TTC7B: variants seen among roughly 807,000 people sequenced by gnomAD.
TTC7B encodes tetratricopeptide repeat protein 7B.
TTC7B carries 28 observed loss-of-function variants against 106.8 expected under a neutral mutation model. The observed-to-expected ratio is 0.26, with a 90% CI of 0.19 to 0.36. The LOEUF (loss-of-function observed/expected upper bound fraction) is 0.36, where lower values mean the gene tolerates loss of function less well. Among genes scored for constraint, TTC7B ranks in the 10% least tolerant of loss-of-function variants. The probability of loss-of-function intolerance (pLI) is 1.00; values close to 1 mark genes in which losing one functional copy is unlikely to be tolerated. For missense variants in TTC7B, 862 were observed against 1,076.4 expected (o/e 0.80, Z 2.79); for synonymous variants, 405 against 430.6 (o/e 0.94, Z 0.74).
Position 90,689,608 on chromosome 14 carries a change from A to G in TTC7B, c.882T>C (p.Pro294=). The G allele has an allele frequency of 1.9e-6, 3 of 1,614,076 alleles. No individual in the cohort carries two copies. Among genetic ancestry groups the G allele is most frequent in the Non-Finnish European group, 2.5e-6 (3 of 1,179,994 alleles). ...TTTTTGTGTTTGCTCCTTTGCGGAG[A>G]GGATCGTCCAGAGGTGACTGGCACG... ...DPPCQSPLDD[P]LRKGANTKTY... is the part of the protein sequence containing the mutation. Residue 294 remains proline, a synonymous_variant, in exon 7 of 20, where the codon CCT becomes CCC. Transcript: ENST00000328459.
intron 1 of TTC7B, among the ~76,000 whole-genome samples, chr14:90,803,778 C>T (rs977754913): frequency 4.6e-5 from 7 of 151,248 alleles, no homozygotes; most frequent in African/African-American, 1.5e-4. Flanking sequence ...ACAATCCTTC[C>T]GCTACACTGG....
chr14:90,763,088 C>T (rs1041347553), intron 3 of TTC7B, among the ~76,000 whole-genome samples: 2 of 152,174 alleles, frequency 1.3e-5, no homozygotes, highest in Non-Finnish European at 2.9e-5. Flanking sequence ...AAAGGCATCA[C>T]AAGAATACCA....
chr14:90,579,080 C>A (rs573967880), intron 18 of TTC7B, among the ~76,000 whole-genome samples: 3 of 152,360 alleles, frequency 2.0e-5, no homozygotes, highest in African/African-American at 7.2e-5. Flanking sequence ...GGCCTCCCTG[C>A]CTCCCAGGTG....
In TTC7B at chr14:90,534,845, G is replaced by C. The variant is rs1480924635; in HGVS notation, c.*6523C>G. ...GCCCAGCACGGACAGGGCAGACGTGGAGAACTCCAAGGATGATGGGGAGGG... is the reference window on the plus strand; with the variant it reads ...GCCCAGCACGGACAGGGCAGACGTGCAGAACTCCAAGGATGATGGGGAGGG... On this transcript the variant is annotated 3_prime_UTR_variant, in exon 20 of 20. Transcript: ENST00000328459. The C allele has an allele frequency of 6.6e-6, 1 of 152,416 alleles. No individual in the cohort carries two copies. The highest frequency in any genetic ancestry group is 2.4e-5 in the African/African-American group (1 of 41,432). 9.4% of individuals were successfully genotyped at this position (152,416 alleles called of 1,614,324 possible). A position where few individuals can be genotyped will look rare whatever the true frequency, so the allele number is the denominator to read the frequency against.
rs575066044 is a variant in TTC7B at position 90,550,735 on chromosome 14, C to T, written c.2311-9146G>A. On this transcript the variant is annotated intron_variant, in intron 19 of 19. Coordinates refer to ENST00000328459, the MANE Select transcript of TTC7B (RefSeq NM_001010854.2). The stretch of plus-strand genomic sequence containing the variant: ...TCTCCCTCTTTAACAGCAAGGACCA[C>T]CATGATTTGTCTTTGCATGTACGGC... 2.0e-5 allele frequency among the ~76,000 whole-genome samples: 3 copies of T among 152,270 alleles called. No homozygotes were observed. The East Asian group carries it at 5.8e-4, about 29-fold the overall frequency.
rs562122575 is a variant in TTC7B at position 90,554,035 on chromosome 14, G to A, written c.2311-12446C>T. On this transcript the variant is annotated intron_variant, in intron 19 of 19. Transcript: ENST00000328459. ...GCTGGCAGCCTGGCCAGAAGCCAAA[G>A]GGCTTGATCAGCCTTGCGTGAATCT... Among the ~76,000 whole-genome samples the A allele has an allele frequency of 6.4e-4, 97 of 152,348 alleles. 1 individual carries two copies. The South Asian group carries it at 0.019, about 29-fold the overall frequency.
At chr14:90,683,218 T>C (rs1887123504) in intron 7 of TTC7B, among the ~76,000 whole-genome samples, 1 of 152,200 alleles carries the variant, frequency 6.6e-6, no homozygotes, top group African/African-American at 2.4e-5. Flanking sequence ...AGGGAGGGCC[T>C]TGAACACTGC....
chr14:90,625,341 A>G (rs1884393401), intron 15 of TTC7B, among the ~76,000 whole-genome samples: 1 of 152,232 alleles, frequency 6.6e-6, no homozygotes, highest in African/African-American at 2.4e-5. Context: ...CCATCGACCC[A>G]GGCCCTCAGC....
At chr14:90,769,216 C>CA (rs200354964) in intron 3 of TTC7B, among the ~76,000 whole-genome samples, 102 of 151,590 alleles carry the variant, frequency 6.7e-4, no homozygotes, top group African/African-American at 2.1e-3. Context: ...TATTTCGCTA[C>CA]AAAAAAAATC....
intron 3 of TTC7B, among the ~76,000 whole-genome samples, chr14:90,771,349 A>T (rs571103445): frequency 6.0e-4 from 91 of 152,322 alleles, no homozygotes; most frequent in African/African-American, 2.1e-3. Flanking sequence ...TAATCCCAGC[A>T]CTTTGAGAGG....
Position 90,578,314 on chromosome 14 carries a change from A to T in TTC7B, c.2108-6T>A. The T allele has an allele frequency of 6.2e-7, 1 of 1,613,110 alleles. No individual in the cohort carries two copies. Among genetic ancestry groups the T allele is most frequent in the East Asian group, 2.2e-5 (1 of 44,846 alleles). On this transcript the variant is annotated splice_polypyrimidine_tract_variant and splice_region_variant and intron_variant, in intron 18 of 19. Coordinates refer to ENST00000328459, the MANE Select transcript of TTC7B (RefSeq NM_001010854.2). This position sits in a 1 kb window ranked among gnomAD's most constrained non-coding sequence, Gnocchi z 4.7. ...GATGCCGATATAGACTTCAGCTGTG[A>T]GGAGACAGCAACGGCACATGCTTTC...
intron 3 of TTC7B, among the ~76,000 whole-genome samples, chr14:90,779,653 C>T (rs1284469714): frequency 6.6e-6 from 1 of 152,210 alleles, no homozygotes; most frequent in African/African-American, 2.4e-5. Context: ...CCAGGTACCA[C>T]AATCAATGCT....
intron 5 of TTC7B, among the ~76,000 whole-genome samples, chr14:90,714,199 C>T (rs1348844276): frequency 2.6e-5 from 4 of 151,224 alleles, no homozygotes; most frequent in Non-Finnish European, 2.9e-5. Flanking sequence ...CATCACACTC[C>T]AGCCTGGGCA....
rs1018242375 is a variant in TTC7B, at chr14:90,592,819, C to T, written c.2107+667G>A. 3.9e-5 allele frequency among the ~76,000 whole-genome samples: 6 copies of T among 152,220 alleles called. No individual in the cohort carries two copies. In the East Asian group the frequency reaches 1.2e-3, roughly 29 times the overall value. On this transcript the variant is annotated intron_variant, in intron 18 of 19. Transcript: ENST00000328459. ...GGAACTGGGGAAGGGGCACTCATGC[C>T]CCCCTTCCGGGCCAGTCTCCAGGTC...
intron 19 of TTC7B, among the ~76,000 whole-genome samples, chr14:90,555,398 G>T (rs1345091694): frequency 6.6e-6 from 1 of 152,204 alleles, no homozygotes; most frequent in East Asian, 1.9e-4. Context: ...GACATAAGAG[G>T]ACCTAGGGAA....
At chr14:90,610,630 T>C in intron 17 of TTC7B, 112 bp downstream of exon 17, 1 of 755,524 alleles carries the variant, frequency 1.3e-6, no homozygotes. Context: ...AAACTATTTG[T>C]GCAAGAAATT....
intron 1 of TTC7B, among the ~76,000 whole-genome samples, chr14:90,813,372 T>G (rs2031006609): frequency 6.6e-6 from 1 of 152,180 alleles, no homozygotes; most frequent in African/African-American, 2.4e-5. Flanking sequence ...GGGCTGAGAT[T>G]TTTGCCATTT....
Position 90,541,306 on chromosome 14 carries a change from A to G in TTC7B, c.*62T>C. 2 of 1,454,684 alleles carry G rather than the reference A, an allele frequency of 1.4e-6. No homozygotes were observed. The highest frequency in any genetic ancestry group is 1.9e-6 in the Non-Finnish European group (2 of 1,073,444). 90.1% of individuals were successfully genotyped at this position (1,454,684 alleles called of 1,614,324 possible). A position where few individuals can be genotyped will look rare whatever the true frequency, so the allele number is the denominator to read the frequency against. On this transcript the variant is annotated 3_prime_UTR_variant, in exon 20 of 20. Coordinates refer to ENST00000328459, the MANE Select transcript of TTC7B (RefSeq NM_001010854.2). ...TTCATCCCCTTGGGGCGATGGCACA[A>G]GCCCTGGTGCCCGGCAGGGCCTCTG...
chr14:90,752,008 G>A (rs892166611), intron 3 of TTC7B, among the ~76,000 whole-genome samples: 1 of 152,144 alleles, frequency 6.6e-6, no homozygotes, highest in Admixed American at 6.5e-5. Flanking sequence ...GAGTGCACAG[G>A]GTGGAGTGTG....
Sources: allele counts gnomAD v4.1 joint callset (sites outside exome capture counted in the v4.1 genomes callset), GRCh38; gene constraint gnomAD v4.1.1; non-coding constraint Gnocchi (gnomAD v3.1); transcripts MANE v1.5; gene names NCBI Gene and HGNC (gene_info 2026-07-23, HGNC 2026-07-21).